Variants in LTBP1 observed in about 807,000 individuals in gnomAD.
LTBP1 encodes latent transforming growth factor beta binding protein 1.
A neutral mutation model predicts 207.6 loss-of-function variants in LTBP1; 129 were observed. That is an observed-to-expected ratio of 0.62 (90% CI 0.54 to 0.72). The LOEUF (loss-of-function observed/expected upper bound fraction) is 0.72. Ranked by LOEUF, LTBP1 falls within the 30% of genes least tolerant of loss-of-function variation. The pLI is 0.00. For synonymous variants in LTBP1, 963 were observed against 833.7 expected (o/e 1.16, Z -2.67); for missense variants, 2,281 against 2,217.2 (o/e 1.03, Z -0.58).
At chr2:33,210,660 A>G (rs905485485) in intron 7 of LTBP1, among the ~76,000 whole-genome samples, 3 of 152,140 alleles carry the variant, frequency 2.0e-5, no homozygotes, top group South Asian at 2.1e-4. Flanking sequence ...AAAACCCTCC[A>G]TGGTTTAGCT....
chr2:33,373,202 A>G (rs1173762307), intron 31 of LTBP1, among the ~76,000 whole-genome samples: 7 of 152,188 alleles, frequency 4.6e-5, no homozygotes, highest in Admixed American at 1.3e-4. Flanking sequence ...ACTCAGGTGT[A>G]GAAAGATGGT....
At chr2:32,969,430 A>T (rs985347543) in intron 2 of LTBP1, among the ~76,000 whole-genome samples, 1 of 151,758 alleles carries the variant, frequency 6.6e-6, no homozygotes, top group African/African-American at 2.4e-5. Context: ...CCTTTTTCCT[A>T]TCTCCACCCT....
chr2:33,106,025 A>T (rs1024988349), intron 3 of LTBP1, among the ~76,000 whole-genome samples: 1 of 152,244 alleles, frequency 6.6e-6, no homozygotes, highest in Non-Finnish European at 1.5e-5. Flanking sequence ...TTGTCATTTC[A>T]ACAATGTTCA....
chr2:33,234,042 G>A (rs945116940), intron 9 of LTBP1, among the ~76,000 whole-genome samples: 3 of 151,910 alleles, frequency 2.0e-5, no homozygotes, highest in East Asian at 1.9e-4. Context: ...TTTATCTTAC[G>A]AACTTTCAAA....
At chr2:33,255,802 T>C (rs1237116570) in intron 11 of LTBP1, among the ~76,000 whole-genome samples, 1 of 152,162 alleles carries the variant, frequency 6.6e-6, no homozygotes, top group Non-Finnish European at 1.5e-5. Flanking sequence ...TAATTTTAGG[T>C]CCCAGACATT....
intron 2 of LTBP1, among the ~76,000 whole-genome samples, chr2:32,997,650 A>G (rs946119626): frequency 6.6e-6 from 1 of 152,168 alleles, no homozygotes; most frequent in African/African-American, 2.4e-5. Context: ...CTGCCTTACC[A>G]GGTGGGTTCA....
intron 10 of LTBP1, among the ~76,000 whole-genome samples, chr2:33,248,026 A>T (rs1243080961): frequency 3.3e-5 from 5 of 152,140 alleles, no homozygotes; most frequent in African/African-American, 1.2e-4. Flanking sequence ...TTTAGTCTTC[A>T]TAATTTATCT....
At chr2:33,066,826 G>T (rs1035672373) in intron 3 of LTBP1, among the ~76,000 whole-genome samples, 2 of 152,208 alleles carry the variant, frequency 1.3e-5, no homozygotes, top group Admixed American at 6.5e-5. Context: ...GCCATTTATT[G>T]ATGGTGAGTT....
At chr2:33,348,125 T>C (rs1209742907) in intron 26 of LTBP1, among the ~76,000 whole-genome samples, 3 of 152,208 alleles carry the variant, frequency 2.0e-5, no homozygotes, top group Non-Finnish European at 4.4e-5. Flanking sequence ...GTTTGTGCCA[T>C]GTAGCTATAG....
intron 15 of LTBP1, among the ~76,000 whole-genome samples, chr2:33,270,811 C>T (rs899191902): frequency 2.6e-5 from 4 of 152,094 alleles, no homozygotes; most frequent in Non-Finnish European, 4.4e-5. Flanking sequence ...TAACGTGATC[C>T]TGACAGACAT....
chr2:33,123,792 T>C (rs2081284235), intron 4 of LTBP1, among the ~76,000 whole-genome samples: 1 of 152,234 alleles, frequency 6.6e-6, no homozygotes, highest in Non-Finnish European at 1.5e-5. Flanking sequence ...CCAACCATGG[T>C]ACTAAGCACT....
chr2:33,332,372 C>CA (rs745342264), intron 24 of LTBP1, among the ~76,000 whole-genome samples: 1,312 of 52,474 alleles, frequency 0.025, 129 homozygotes, highest in Non-Finnish European at 0.028. Context: ...ACACCATCTC[C>CA]AAAAAAAAAA....
rs2094279123 is a variant in LTBP1, at chr2:33,316,732, G to A, written c.3730+1463G>A. Reference sequence around the variant, plus strand: ...TGGGGCTTTGAGACCAGAGCTTTTAGCAAAGACACTCCATGAATGCATACA... The same window carrying A: ...TGGGGCTTTGAGACCAGAGCTTTTAACAAAGACACTCCATGAATGCATACA... On this transcript the variant is annotated intron_variant, in intron 24 of 33. Coordinates refer to ENST00000404816, the MANE Select transcript of LTBP1 (RefSeq NM_206943.4). Among the ~76,000 whole-genome samples, 3 of 152,196 alleles carry A rather than the reference G, an allele frequency of 2.0e-5. 1 individual carries two copies. The highest frequency in any genetic ancestry group is 4.4e-5 in the Non-Finnish European group (3 of 68,028).
At chr2:32,971,728 A>C (rs1420472943) in intron 2 of LTBP1, among the ~76,000 whole-genome samples, 1 of 152,166 alleles carries the variant, frequency 6.6e-6, no homozygotes, top group Non-Finnish European at 1.5e-5. Context: ...ATCTGTGTTC[A>C]TCAAGGATAT....
At chr2:33,019,380 A>G (rs1392491180) in intron 2 of LTBP1, among the ~76,000 whole-genome samples, 1 of 122,026 alleles carries the variant, frequency 8.2e-6, no homozygotes, top group Non-Finnish European at 1.6e-5. Flanking sequence ...TCTGTCATCC[A>G]GGCTGCAATG....
intron 31 of LTBP1, among the ~76,000 whole-genome samples, chr2:33,370,377 T>C (rs752385641): frequency 3.3e-5 from 5 of 152,362 alleles, no homozygotes; most frequent in Non-Finnish European, 7.3e-5. Flanking sequence ...TTAATGGGCA[T>C]GTCAGTTACC....
chr2:33,060,622 G>A (rs146505949), intron 3 of LTBP1, among the ~76,000 whole-genome samples: 166 of 149,520 alleles, frequency 1.1e-3, no homozygotes, highest in African/African-American at 3.9e-3. Context: ...TTTTAATACC[G>A]TTCGTTGTAC....
chr2:32,959,549 A>ATGTGTGTG (rs10649487), intron 2 of LTBP1, among the ~76,000 whole-genome samples: 4,798 of 125,290 alleles, frequency 0.038, 130 homozygotes, highest in Non-Finnish European at 0.052. Context: ...CTGTATATAT[A>ATGTGTGTG]TGTGTGTGTG....
intron 3 of LTBP1, 90 bp from the exon 4 acceptor site, chr2:33,110,492 T>C: frequency 8.4e-7 from 1 of 1,188,320 alleles, no homozygotes; most frequent in Non-Finnish European, 1.2e-6. Context: ...TGCTCCTTTC[T>C]ACATTTAACT....
Sources: gnomAD v4.1 joint callset for allele counts (sites outside exome capture counted in the v4.1 genomes callset) on GRCh38, gnomAD v4.1.1 for gene constraint, MANE v1.5 for transcripts, NCBI Gene and HGNC (gene_info 2026-07-23, HGNC 2026-07-21) for gene names.